GLG1: variants seen among roughly 807,000 people sequenced by gnomAD.
The protein encoded by GLG1 is Golgi apparatus protein 1.
GLG1 carries 38 observed loss-of-function variants against 160.5 expected under a neutral mutation model. The observed-to-expected ratio is 0.24, with a 90% CI of 0.18 to 0.31. GLG1 has a LOEUF of 0.31. Among genes scored for constraint, GLG1 ranks in the 10% least tolerant of loss-of-function variants. The pLI, the probability that GLG1 is intolerant of heterozygous loss-of-function variation, is 1.00. For missense variants in GLG1, 1,373 were observed against 1,505.2 expected (o/e 0.91, Z 1.45); for synonymous variants, 644 against 543.4 (o/e 1.19, Z -2.57).
chr16:74,512,245 G>C (rs1378249718), intron 2 of GLG1, among the ~76,000 whole-genome samples: 1 of 133,214 alleles, frequency 7.5e-6, no homozygotes, highest in African/African-American at 2.7e-5. Flanking sequence ...TGAAGCCTCC[G>C]CCTGGGTGAC....
At chr16:74,565,260 C>A (rs1160918685) in intron 1 of GLG1, among the ~76,000 whole-genome samples, 1 of 152,072 alleles carries the variant, frequency 6.6e-6, no homozygotes, top group Non-Finnish European at 1.5e-5. Context: ...ACCCAGGGGG[C>A]AGAAGTTGCA....
At chr16:74,484,865 G>A (rs918482973) in intron 9 of GLG1, among the ~76,000 whole-genome samples, 2 of 152,094 alleles carry the variant, frequency 1.3e-5, no homozygotes, top group African/African-American at 4.8e-5. Flanking sequence ...TGATCCGCCA[G>A]CCTCAGCCTC....
intron 12 of GLG1, among the ~76,000 whole-genome samples, chr16:74,476,682 TG>T (rs1224436689): frequency 1.3e-5 from 2 of 152,148 alleles, no homozygotes; most frequent in Non-Finnish European, 2.9e-5. Context: ...TCCCTTAAAC[TG>T]GGACACAATC....
chr16:74,540,548 C>T (rs916733853), intron 1 of GLG1, among the ~76,000 whole-genome samples: 2 of 151,422 alleles, frequency 1.3e-5, no homozygotes, highest in African/African-American at 4.9e-5. Flanking sequence ...ATTTAAGAAA[C>T]GTAAGGATTG....
At chr16:74,502,008 A>G (rs12930645) in intron 4 of GLG1, among the ~76,000 whole-genome samples, 1 of 152,212 alleles carries the variant, frequency 6.6e-6, no homozygotes, top group Non-Finnish European at 1.5e-5. Context: ...ACAGCCAGAC[A>G]ATACACAGCA....
intron 22 of GLG1, 97 bp downstream of exon 22, chr16:74,461,997 C>G (rs1217938560): frequency 1.7e-5 from 11 of 666,250 alleles, no homozygotes; most frequent in Non-Finnish European, 2.9e-5. Flanking sequence ...TTCACCAGAT[C>G]ATTCACGGCT....
chr16:74,521,231 G>C (rs779248523), intron 2 of GLG1, among the ~76,000 whole-genome samples: 8 of 152,134 alleles, frequency 5.3e-5, no homozygotes, highest in Non-Finnish European at 1.2e-4. Flanking sequence ...TCAGAGAGTT[G>C]GTATTTGCAC....
chr16:74,537,355 T>TA (rs950174026), intron 1 of GLG1, among the ~76,000 whole-genome samples: 7 of 151,988 alleles, frequency 4.6e-5, no homozygotes, highest in African/African-American at 1.2e-4. Context: ...AGGAAATGGT[T>TA]AAAAAACAAA....
intron 2 of GLG1, among the ~76,000 whole-genome samples, chr16:74,512,527 G>A (rs1265838421): frequency 6.6e-6 from 1 of 152,058 alleles, no homozygotes; most frequent in Non-Finnish European, 1.5e-5. Context: ...GCCTCCCAAA[G>A]TGCTGGAATT....
chr16:74,606,817 G>A lies in GLG1; in HGVS notation c.278C>T (p.Pro93Leu), dbSNP rs979158504. The A allele has an allele frequency of 6.9e-6, 11 of 1,603,848 alleles. No homozygotes were observed. Among genetic ancestry groups the A allele is most frequent in the Admixed American group, 3.4e-5 (2 of 58,278 alleles). The change falls in exon 1 of 26, where the codon CCG becomes CTG. Residue 93 changes from proline (P) to leucine (L), a missense_variant. By Grantham distance (98) the Pro-to-Leu change is moderately conservative (BLOSUM62 -3). This residue lies in a region of GLG1 where 322 missense variants were observed against 254.6 expected (regional missense o/e 1.26). Coordinates refer to ENST00000422840, the MANE Select transcript of GLG1 (RefSeq NM_001145667.2). ...QQPQPPQPPF[P>L]AGGPPARRGG... ...CCGCCGGGCCGGAGGCCCACCCGCCGGGAAAGGCGGCTGCGGCGGCTGAGG... is the reference window on the plus strand; with the variant it reads ...CCGCCGGGCCGGAGGCCCACCCGCCAGGAAAGGCGGCTGCGGCGGCTGAGG...
intron 1 of GLG1, among the ~76,000 whole-genome samples, chr16:74,597,527 T>C (rs1431891508): frequency 2.0e-5 from 3 of 150,902 alleles, no homozygotes; most frequent in South Asian, 2.1e-4. Flanking sequence ...AAGACCAGCA[T>C]AGCCAACATG....
At chr16:74,477,359 C>T (rs1339505285) in intron 12 of GLG1, 37 bp downstream of exon 12, 4 of 1,513,178 alleles carry the variant, frequency 2.6e-6, no homozygotes, top group East Asian at 2.3e-5. Flanking sequence ...TTAACATCAT[C>T]ATTATTGTAA....
At chr16:74,544,593 G>A (rs965198063) in intron 1 of GLG1, among the ~76,000 whole-genome samples, 19 of 152,122 alleles carry the variant, frequency 1.2e-4, no homozygotes, top group African/African-American at 4.3e-4. Context: ...TGTAACCTCC[G>A]CCTCCCAGGT....
In GLG1 at chr16:74,485,777, C is replaced by A. The variant is rs1597253865; in HGVS notation, c.1571+19G>T. On this transcript the variant is annotated intron_variant, in intron 9 of 25. Transcript: ENST00000422840. ...AATGAAATACAATATGGATAAATAC[C>A]ATGGAGAAGATAACTTACATTGGGT... 6.2e-7 allele frequency: 1 copy of A among 1,607,494 alleles called. No individual in the cohort carries two copies. Among genetic ancestry groups the A allele is most frequent in the Non-Finnish European group, 8.5e-7 (1 of 1,175,696 alleles).
intron 1 of GLG1, among the ~76,000 whole-genome samples, chr16:74,579,488 G>A (rs918293419): frequency 6.8e-5 from 10 of 146,876 alleles, no homozygotes; most frequent in East Asian, 2.1e-4. Flanking sequence ...TTGGGAGGCC[G>A]AAGTGGGTGG....
intron 2 of GLG1, among the ~76,000 whole-genome samples, chr16:74,522,802 G>C (rs372320736): frequency 3.3e-5 from 5 of 152,242 alleles, no homozygotes; most frequent in South Asian, 2.1e-4. Flanking sequence ...TCTCGCCTCA[G>C]TCTCCAAAGT....
intron 2 of GLG1, among the ~76,000 whole-genome samples, chr16:74,522,363 T>C (rs1320388776): frequency 6.6e-6 from 1 of 152,254 alleles, no homozygotes; most frequent in African/African-American, 2.4e-5. Context: ...CTAGCTGTGC[T>C]AACTATCACC....
intron 25 of GLG1, among the ~76,000 whole-genome samples, chr16:74,454,109 G>A (rs913387139): frequency 2.6e-5 from 4 of 151,898 alleles, no homozygotes; most frequent in South Asian, 2.1e-4. Context: ...TCCTGACCTC[G>A]TGATCCGCCC....
chr16:74,457,173 T>A (rs921152584), intron 24 of GLG1, among the ~76,000 whole-genome samples: 1 of 152,176 alleles, frequency 6.6e-6, no homozygotes, highest in Non-Finnish European at 1.5e-5. Flanking sequence ...GGTGGGTGGA[T>A]CACTTGAAGT....
Sources: allele counts gnomAD v4.1 joint callset (sites outside exome capture counted in the v4.1 genomes callset), GRCh38; gene constraint gnomAD v4.1.1; regional missense constraint gnomAD v4.1.1; transcripts MANE v1.5; gene names NCBI Gene and HGNC (gene_info 2026-07-23, HGNC 2026-07-21).